UGT1A10: variants seen among roughly 807,000 people sequenced by gnomAD.
UGT1A10 encodes UDP-glucuronosyltransferase 1A10.
In UGT1A10, 49 loss-of-function variants were observed where a neutral mutation model predicts 45.8. That is an observed-to-expected ratio of 1.07 (90% CI 0.85 to 1.36). The LOEUF is 1.36. UGT1A10 is among the 40% of genes most tolerant of loss of function. The pLI, the probability that UGT1A10 is intolerant of heterozygous loss-of-function variation, is 0.00. For missense variants in UGT1A10, 745 were observed against 668.6 expected (o/e 1.11, Z -1.26); for synonymous variants, 284 against 249.7 (o/e 1.14, Z -1.29).
chr2:233,767,929 T>C lies in UGT1A10; in HGVS notation c.1068T>C (p.Asp356=). 3.1e-6 allele frequency: 5 copies of C among 1,614,196 alleles called. No individual in the cohort carries two copies. Among genetic ancestry groups the C allele is most frequent in the Non-Finnish European group, 3.4e-6 (4 of 1,180,048 alleles). ...TILVKWLPQN[D]LLGHPMTRAF... is the part of the protein sequence containing the mutation. ...TTGTTAAGTGGCTACCCCAAAACGATCTGCTTGGTATGTTGGGCGGATTGG... is the reference window on the plus strand; with the variant it reads ...TTGTTAAGTGGCTACCCCAAAACGACCTGCTTGGTATGTTGGGCGGATTGG... Residue 356 remains aspartate, a synonymous_variant, in exon 3 of 5, where the codon GAT becomes GAC. Transcript: ENST00000344644.
chr2:233,718,828 G>C lies in UGT1A10; in HGVS notation c.856-48206G>C, dbSNP rs137930413. 3.0e-4 allele frequency: 479 copies of C among 1,613,554 alleles called. 1 individual carries two copies. Among genetic ancestry groups the C allele is most frequent in the Admixed American group, 4.7e-4 (28 of 60,022 alleles). ...TCGGTGGCTTCTGCTGAGATGGCCA[G>C]AGGACTCCAGGTTCCCCTGCCGCGG... On this transcript the variant is annotated intron_variant, in intron 1 of 4. Transcript: ENST00000344644.
chr2:233,719,723 G>A, intron 1 of UGT1A10: 1 of 1,613,746 alleles, frequency 6.2e-7, no homozygotes, highest in Non-Finnish European at 8.5e-7. Context: ...CAATGTTCCA[G>A]GCAAAACACT....
intron 1 of UGT1A10, among the ~76,000 whole-genome samples, chr2:233,758,985 G>GT (rs1383466743): frequency 1.3e-5 from 2 of 152,320 alleles, no homozygotes; most frequent in African/African-American, 4.8e-5. Flanking sequence ...TCTTGGGCCA[G>GT]TGGAATGAGT....
chr2:233,751,768 A>C lies in UGT1A10; in HGVS notation c.856-15266A>C, dbSNP rs142654727. Among the ~76,000 whole-genome samples, 1,484 of 152,208 alleles carry C rather than the reference A, an allele frequency of 9.7e-3. 20 individuals carry two copies. The highest frequency in any genetic ancestry group is 0.034 in the African/African-American group (1,414 of 41,516). On this transcript the variant is annotated intron_variant, in intron 1 of 4. Coordinates refer to ENST00000344644, the MANE Select transcript of UGT1A10 (RefSeq NM_019075.4). ...CTTGCTTGCTGCCATGTGAGACATGACTTTGCTTATCTCTCACCTTCTGTC... is the reference window on the plus strand; with the variant it reads ...CTTGCTTGCTGCCATGTGAGACATGCCTTTGCTTATCTCTCACCTTCTGTC...
At chr2:233,745,561 A>G (rs1490728592) in intron 1 of UGT1A10, among the ~76,000 whole-genome samples, 1 of 151,724 alleles carries the variant, frequency 6.6e-6, no homozygotes, top group Admixed American at 6.6e-5. Context: ...CTAAGTTTAT[A>G]TAGCCTCTAG....
intron 1 of UGT1A10, among the ~76,000 whole-genome samples, chr2:233,754,123 T>C (rs1464588119): frequency 2.6e-5 from 4 of 152,360 alleles, no homozygotes; most frequent in Admixed American, 2.6e-4. Flanking sequence ...CGAGCATTTA[T>C]GTGCAATTAA....
At chr2:233,656,081 C>T (rs2073847145) in intron 1 of UGT1A10, among the ~76,000 whole-genome samples, 1 of 152,034 alleles carries the variant, frequency 6.6e-6, no homozygotes, top group Non-Finnish European at 1.5e-5. Context: ...GAGCTTTATG[C>T]TGAACAAACA....
chr2:233,748,151 T>C, intron 1 of UGT1A10: 1 of 1,604,824 alleles, frequency 6.2e-7, no homozygotes, highest in East Asian at 2.2e-5. Flanking sequence ...TTACTTACAA[T>C]TGCTTCCATA....
chr2:233,772,304 C>G lies in UGT1A10; in HGVS notation c.1338C>G (p.Asp446Glu), dbSNP rs1165346261. The change falls in exon 5 of 5, where the codon GAC becomes GAG. Residue 446 changes from aspartate to glutamate, a missense_variant. Transcript: ENST00000344644. The part of the protein sequence containing the change: ...NIMRLSSLHK[D>E]RPVEPLDLAV... ...TGCGCCTCTCCAGCCTTCACAAGGA[C>G]CGCCCGGTGGAGCCGCTGGACCTGG... The G allele has an allele frequency of 6.2e-7, 1 of 1,614,230 alleles. No homozygotes were observed. The highest frequency in any genetic ancestry group is 2.2e-5 in the East Asian group (1 of 44,884).
At chr2:233,731,097 C>T (rs1453448635) in intron 1 of UGT1A10, among the ~76,000 whole-genome samples, 1 of 151,946 alleles carries the variant, frequency 6.6e-6, no homozygotes, top group African/African-American at 2.4e-5. Context: ...ATTTCTGTGC[C>T]TTTTTTATAA....
chr2:233,647,989 G>T (rs770416073), intron 1 of UGT1A10: 301 of 1,607,870 alleles, frequency 1.9e-4, no homozygotes, highest in Non-Finnish European at 2.3e-4. Context: ...CATTCTCAGG[G>T]GGCATGAGGT....
chr2:233,756,971 C>T (rs1226266668), intron 1 of UGT1A10, among the ~76,000 whole-genome samples: 8 of 151,892 alleles, frequency 5.3e-5, no homozygotes, highest in African/African-American at 1.9e-4. Flanking sequence ...GGTAAGCACG[C>T]AATGAACAGT....
intron 1 of UGT1A10, among the ~76,000 whole-genome samples, chr2:233,720,439 A>G (rs1010293561): frequency 2.0e-5 from 3 of 152,114 alleles, no homozygotes; most frequent in African/African-American, 7.2e-5. Context: ...CCGTGAATCT[A>G]TAAGCCCAGT....
chr2:233,659,749 T>C (rs1160857441), intron 1 of UGT1A10, among the ~76,000 whole-genome samples: 1 of 152,234 alleles, frequency 6.6e-6, no homozygotes, highest in Non-Finnish European at 1.5e-5. Flanking sequence ...GTATGAATTC[T>C]TCTTCACCAT....
intron 1 of UGT1A10, among the ~76,000 whole-genome samples, chr2:233,707,341 G>A (rs2075956396): frequency 6.6e-6 from 1 of 152,038 alleles, no homozygotes; most frequent in Non-Finnish European, 1.5e-5. Flanking sequence ...GTGGTTTGCT[G>A]CCCAGATCAA....
intron 1 of UGT1A10, among the ~76,000 whole-genome samples, chr2:233,666,051 A>G (rs2074070055): frequency 6.6e-6 from 1 of 152,230 alleles, no homozygotes; most frequent in Non-Finnish European, 1.5e-5. Context: ...TACAAGAAGC[A>G]TGGCACCAGC....
intron 1 of UGT1A10, among the ~76,000 whole-genome samples, chr2:233,736,036 C>T (rs2078722234): frequency 6.6e-6 from 1 of 152,082 alleles, no homozygotes; most frequent in Non-Finnish European, 1.5e-5. Context: ...CTCTGTATTT[C>T]CTGAATTTGA....
rs1184503727 is a variant in UGT1A10 at position 233,769,814 on chromosome 2, C to T, written c.1295+1375C>T. 17 of 933,346 alleles carry T rather than the reference C, an allele frequency of 1.8e-5. No homozygotes were observed. Among genetic ancestry groups the T allele is most frequent in the African/African-American group, 1.7e-5 (1 of 59,148 alleles). The allele number at this position is 933,346 out of a possible 1,614,324, so 57.8% of individuals were successfully genotyped here. Reference sequence around the variant, plus strand: ...AGGCTGCTATGAGCCGTGATCATGCCACTGCACTCCAGCAACCTGGGCAAC... The same window carrying T: ...AGGCTGCTATGAGCCGTGATCATGCTACTGCACTCCAGCAACCTGGGCAAC... On this transcript the variant is annotated intron_variant, in intron 4 of 4. Coordinates refer to ENST00000344644, the MANE Select transcript of UGT1A10 (RefSeq NM_019075.4). The surrounding 1 kb of genome is among the most constrained non-coding windows in gnomAD (Gnocchi z 4.4).
chr2:233,755,013 G>C, intron 1 of UGT1A10: 1 of 1,294,530 alleles, frequency 7.7e-7, no homozygotes, highest in Non-Finnish European at 1.0e-6. Context: ...CTACTCGAAG[G>C]GGTCCTTGAA....
Sources: gnomAD v4.1 joint callset for allele counts (sites outside exome capture counted in the v4.1 genomes callset) on GRCh38, gnomAD v4.1.1 for gene constraint, Gnocchi (gnomAD v3.1) non-coding constraint, MANE v1.5 for transcripts, NCBI Gene and HGNC (gene_info 2026-07-23, HGNC 2026-07-21) for gene names.